Variants in SHKBP1 observed in about 807,000 individuals in gnomAD.
The protein encoded by SHKBP1 is SH3KBP1-binding protein 1.
Under a neutral mutation model 83.9 loss-of-function variants are expected in SHKBP1, and 71 were observed. The ratio of observed to expected loss-of-function variants is 0.85; its 90% CI spans 0.70 to 1.03. SHKBP1 has a LOEUF of 1.03. Ranked by LOEUF, SHKBP1 falls within the 50% of genes least tolerant of loss-of-function variation. The pLI is 0.00. For missense variants in SHKBP1, 824 were observed against 982.4 expected (o/e 0.84, Z 2.16); for synonymous variants, 371 against 398.0 (o/e 0.93, Z 0.81).
Position 40,583,732 on chromosome 19 carries a change from G to A in SHKBP1, c.1165+15G>A, listed in dbSNP as rs770255865. 4.4e-5 allele frequency: 70 copies of A among 1,598,298 alleles called. No homozygotes were observed. The highest frequency in any genetic ancestry group is 5.6e-5 in the Non-Finnish European group (65 of 1,166,104). ...CCCCAAGACCAGTAAGCTATGACCCGGCTTCCCCTGCTGCTGTCACCTGCC... is the reference window on the plus strand; with the variant it reads ...CCCCAAGACCAGTAAGCTATGACCCAGCTTCCCCTGCTGCTGTCACCTGCC... On this transcript the variant is annotated intron_variant, in intron 12 of 17. Coordinates refer to ENST00000291842, the MANE Select transcript of SHKBP1 (RefSeq NM_138392.4).
At position 40,580,548 on chromosome 19, in the gene SHKBP1, C is replaced by A; in HGVS notation, c.563-18C>A. The A allele has an allele frequency of 6.2e-7, 1 of 1,614,132 alleles. No individual in the cohort carries two copies. The highest frequency in any genetic ancestry group is 2.2e-5 in the East Asian group (1 of 44,894). ...GGGTCCCTGTGACCCTCTTCTGATC[C>A]CTACTCTTCCCCTCAAGGACAACCT... On this transcript the variant is annotated intron_variant, in intron 7 of 17. Coordinates refer to ENST00000291842, the MANE Select transcript of SHKBP1 (RefSeq NM_138392.4).
Position 40,590,686 on chromosome 19 carries a change from A to T in SHKBP1, c.1769-44A>T. On this transcript the variant is annotated intron_variant, in intron 16 of 17. Transcript: ENST00000291842. This position sits in a 1 kb window ranked among gnomAD's most constrained non-coding sequence, Gnocchi z 4.6. ...GCAATGCAACCCAGGCCCTTGCCCTATGACCCCTGTCTTGCCCCCTGACCC... is the reference window on the plus strand; with the variant it reads ...GCAATGCAACCCAGGCCCTTGCCCTTTGACCCCTGTCTTGCCCCCTGACCC... 1 of 1,538,856 alleles carries T rather than the reference A, an allele frequency of 6.5e-7. No individual in the cohort carries two copies. The highest frequency in any genetic ancestry group is 1.4e-5 in the African/African-American group (1 of 73,244).
In SHKBP1 at chr19:40,590,086, C is replaced by G. The variant is rs952422882; in HGVS notation, c.1590-158C>G. On this transcript the variant is annotated intron_variant, in intron 15 of 17. Transcript: ENST00000291842. The surrounding 1 kb of genome is among the most constrained non-coding windows in gnomAD (Gnocchi z 4.6). The stretch of plus-strand genomic sequence containing the variant: ...TGTTTGGGGCTGCGGTGTCCAAGAG[C>G]TGCTGGACCCTTGGGACTGGAACTC... 2.0e-5 allele frequency: 16 copies of G among 782,670 alleles called. No individual in the cohort carries two copies. In the African/African-American group the frequency reaches 2.8e-4, roughly 14 times the overall value. 48.5% of individuals were successfully genotyped at this position (782,670 alleles called of 1,614,324 possible). A position where few individuals can be genotyped will look rare whatever the true frequency, so the allele number is the denominator to read the frequency against.
Position 40,591,218 on chromosome 19 carries a change from T to C in SHKBP1, c.*11T>C. 9 of 1,561,408 alleles carry C rather than the reference T, an allele frequency of 5.8e-6. No individual in the cohort carries two copies. The highest frequency in any genetic ancestry group is 6.1e-6 in the Non-Finnish European group (7 of 1,144,290). On this transcript the variant is annotated 3_prime_UTR_variant, in exon 18 of 18. Coordinates refer to ENST00000291842, the MANE Select transcript of SHKBP1 (RefSeq NM_138392.4). Reference sequence around the variant, plus strand: ...GAAACTTCCTTTTGAACAACGCAGCTGCCATGATGCCTTGGGATGCCCTGG... The same window carrying C: ...GAAACTTCCTTTTGAACAACGCAGCCGCCATGATGCCTTGGGATGCCCTGG...
In SHKBP1 at chr19:40,586,818, G is replaced by T; in HGVS notation, c.1210G>T (p.Gly404Trp). 2 of 1,609,766 alleles carry T rather than the reference G, an allele frequency of 1.2e-6. No homozygotes were observed. Among genetic ancestry groups the T allele is most frequent in the Non-Finnish European group, 8.5e-7 (1 of 1,177,250 alleles). The change falls in exon 13 of 18, where the codon GGG (glycine) becomes TGG (tryptophan). Residue 404 changes from glycine to tryptophan, a missense_variant. Coordinates refer to ENST00000291842, the MANE Select transcript of SHKBP1 (RefSeq NM_138392.4). ...CGAGATCGCCTATGGCACCAGCTCA[G>T]GGGGCGTGCGGGTCATCGTGCAGCA... ...WIEIAYGTSSGGVRVIVQHPE... is the reference protein window; with the variant it reads ...WIEIAYGTSSWGVRVIVQHPE...
At position 40,588,643 on chromosome 19, in the gene SHKBP1, C is replaced by T. The variant is rs1289365925; in HGVS notation, c.1356C>T (p.His452=). 8.1e-6 allele frequency: 13 copies of T among 1,614,072 alleles called. No individual in the cohort carries two copies. Among genetic ancestry groups the T allele is most frequent in the Admixed American group, 6.7e-5 (4 of 60,004 alleles). The part of the protein sequence containing the change: ...HLISVCADNN[H]VRTWSVTRFR... ...CCTCAGTCTGTGCCGACAACAACCA[C>T]GTGCGGACATGGTCTGTGACTCGCT... The change falls in exon 14 of 18, where the codon CAC becomes CAT. Residue 452 remains histidine, a synonymous_variant. Transcript: ENST00000291842.
chr19:40,587,161 T>G (rs1208099682), intron 13 of SHKBP1, among the ~76,000 whole-genome samples: 3 of 152,096 alleles, frequency 2.0e-5, no homozygotes, highest in Non-Finnish European at 4.4e-5. Context: ...TGGGAATCCA[T>G]CAATTCAGCA....
At position 40,581,534 on chromosome 19, in the gene SHKBP1, A is replaced by C. The variant is rs532173303; in HGVS notation, c.844+598A>C. ...GTGAGACACCATCTCAAAAAAAAAAAAAAAACAAAAAAAGAAATCTCTGAC... is the reference window on the plus strand; with the variant it reads ...GTGAGACACCATCTCAAAAAAAAAACAAAAACAAAAAAAGAAATCTCTGAC... On this transcript the variant is annotated intron_variant, in intron 9 of 17. Coordinates refer to ENST00000291842, the MANE Select transcript of SHKBP1 (RefSeq NM_138392.4). Among the ~76,000 whole-genome samples, 3 of 148,334 alleles carry C rather than the reference A, an allele frequency of 2.0e-5. No homozygotes were observed. In the South Asian group the frequency reaches 6.5e-4, roughly 32 times the overall value.
intron 12 of SHKBP1, among the ~76,000 whole-genome samples, chr19:40,584,558 C>T (rs2081296445): frequency 1.3e-5 from 2 of 152,164 alleles, no homozygotes; most frequent in South Asian, 4.1e-4. Flanking sequence ...CCGTAAGAAA[C>T]CCCCTGATCT....
chr19:40,580,312 T>C lies in SHKBP1; in HGVS notation c.401-12T>C, dbSNP rs2081257119. The C allele has an allele frequency of 1.2e-6, 2 of 1,608,490 alleles. No homozygotes were observed. Among genetic ancestry groups the C allele is most frequent in the African/African-American group, 1.3e-5 (1 of 74,780 alleles). ...ACAATGACTGTTACTCTACCTCTTA[T>C]TCTCACTGTAGTGTTCCCAGTGAAG... On this transcript the variant is annotated splice_polypyrimidine_tract_variant and intron_variant, in intron 6 of 17. Coordinates refer to ENST00000291842, the MANE Select transcript of SHKBP1 (RefSeq NM_138392.4).
intron 15 of SHKBP1, among the ~76,000 whole-genome samples, 160 bp downstream of exon 15, chr19:40,589,338 G>A (rs1287605650): frequency 3.3e-5 from 5 of 150,730 alleles, no homozygotes; most frequent in East Asian, 1.9e-4. Context: ...GACAGGCCTG[G>A]TAGGTTTGTC....
At position 40,586,924 on chromosome 19, in the gene SHKBP1, C is replaced by T. The variant is rs1295070818; in HGVS notation, c.1316C>T (p.Ser439Leu). Residue 439 changes from serine (S) to leucine (L), a missense_variant, in exon 13 of 18, where the codon TCG (serine) becomes TTG (leucine). Around this residue, in one of 3 missense-constraint regions of SHKBP1, gnomAD observed 182 missense variants for 273.1 expected, o/e 0.67. Transcript: ENST00000291842. Reference protein sequence around the residue: ...HRSPVTKIMLSEKHLISVCAD... With the variant: ...HRSPVTKIMLLEKHLISVCAD... ...AGCCCTGTCACCAAGATCATGCTGT[C>T]GGAGAAGCACCTCATCTCAGGTGAG... 6.2e-7 allele frequency: 1 copy of T among 1,604,130 alleles called. No individual in the cohort carries two copies. Among genetic ancestry groups the T allele is most frequent in the Non-Finnish European group, 8.5e-7 (1 of 1,172,808 alleles).
chr19:40,583,831 GA>G (rs1408757145), intron 12 of SHKBP1, 114 bp downstream of exon 12: 1 of 760,366 alleles, frequency 1.3e-6, no homozygotes, highest in Non-Finnish European at 2.3e-6. Flanking sequence ...AGGGGCGGCA[GA>G]TTCAACTCTC....
intron 4 of SHKBP1, 76 bp downstream of exon 4, chr19:40,577,706 C>A (rs777652699): frequency 1.6e-5 from 23 of 1,481,004 alleles, no homozygotes; most frequent in Non-Finnish European, 2.2e-5. Flanking sequence ...CTCTGAATGT[C>A]CACGTGAGCT....
Position 40,581,018 on chromosome 19 carries a change from A to T in SHKBP1, c.844+82A>T, listed in dbSNP as rs2081265725. Reference sequence around the variant, plus strand: ...AAATGACCCACCCCATAAAATCCTCAAACCCATAAGAATTCTCTGCTCTAT... The same window carrying T: ...AAATGACCCACCCCATAAAATCCTCTAACCCATAAGAATTCTCTGCTCTAT... On this transcript the variant is annotated intron_variant, in intron 9 of 17. Transcript: ENST00000291842. 2.2e-6 allele frequency: 3 copies of T among 1,352,492 alleles called. No homozygotes were observed. The Admixed American group carries it at 7.3e-5, about 33-fold the overall frequency. The allele number at this position is 1,352,492 out of a possible 1,614,324, so 83.8% of individuals were successfully genotyped here. A position where few individuals can be genotyped will look rare whatever the true frequency, so the allele number is the denominator to read the frequency against.
chr19:40,588,360 C>T (rs1339055814), intron 13 of SHKBP1, among the ~76,000 whole-genome samples: 1 of 152,148 alleles, frequency 6.6e-6, no homozygotes, highest in Non-Finnish European at 1.5e-5. Flanking sequence ...CGTGCTGATA[C>T]GGTCCAGGCA....
intron 10 of SHKBP1, 22 bp from the exon 11 acceptor site, chr19:40,583,376 G>T: frequency 6.5e-7 from 1 of 1,549,966 alleles, no homozygotes; most frequent in East Asian, 2.4e-5. Flanking sequence ...CCCGGCTGCA[G>T]CCTGTCCTGC....
intron 5 of SHKBP1, 67 bp from the exon 6 acceptor site, chr19:40,578,394 TG>T (rs1303706728): frequency 4.0e-5 from 63 of 1,563,472 alleles, no homozygotes; most frequent in Non-Finnish European, 5.5e-5. Context: ...TAGAAAGAAA[TG>T]GGGAGGGGGA....
At chr19:40,580,124 G>A in intron 6 of SHKBP1, 200 bp from the exon 7 acceptor site, 1 of 589,564 alleles carries the variant, frequency 1.7e-6, no homozygotes, top group Non-Finnish European at 2.9e-6. Context: ...CCTCTGTGCT[G>A]GGCTCAAGGG....
Sources: allele counts gnomAD v4.1 joint callset (sites outside exome capture counted in the v4.1 genomes callset), GRCh38; gene constraint gnomAD v4.1.1; regional missense constraint gnomAD v4.1.1; non-coding constraint Gnocchi (gnomAD v3.1); transcripts MANE v1.5; gene names NCBI Gene and HGNC (gene_info 2026-07-23, HGNC 2026-07-21).